The following DET1 variants were observed in gnomAD, a reference collection of about 807,000 sequenced individuals.
DET1 encodes DET1 homolog.
In DET1, 22 loss-of-function variants were observed where a neutral mutation model predicts 43.7. That is an observed-to-expected ratio of 0.50 (90% confidence interval 0.36 to 0.72). The LOEUF (loss-of-function observed/expected upper bound fraction) is 0.72. Ranked by LOEUF, DET1 falls within the 30% of genes least tolerant of loss-of-function variation. The pLI is 0.00. For missense variants in DET1, 713 were observed against 713.3 expected (o/e 1.00, Z 0.00); for synonymous variants, 315 against 266.2 (o/e 1.18, Z -1.79).
chr15:88,533,988 A>G (rs910462766), intron 1 of DET1, among the ~76,000 whole-genome samples: 19 of 152,098 alleles, frequency 1.2e-4, no homozygotes, highest in Admixed American at 1.0e-3. Flanking sequence ...GGTGCTGTTG[A>G]ATGGGTTAGA....
rs776407770 is a variant in DET1, at chr15:88,516,729, G to A, written c.1463+53C>T. 6 of 1,388,732 alleles carry A rather than the reference G, an allele frequency of 4.3e-6. No homozygotes were observed. Among genetic ancestry groups the A allele is most frequent in the Non-Finnish European group, 5.7e-6 (6 of 1,053,478 alleles). 86.0% of individuals were successfully genotyped at this position (1,388,732 alleles called of 1,614,324 possible). A position where few individuals can be genotyped will look rare whatever the true frequency, so the allele number is the denominator to read the frequency against. Reference sequence around the variant, plus strand: ...ATGTCCAGAAAAAGAGAAAAAGAAAGCAGGCCATCTTCAGCCCTTGAGCAG... The same window carrying A: ...ATGTCCAGAAAAAGAGAAAAAGAAAACAGGCCATCTTCAGCCCTTGAGCAG... On this transcript the variant is annotated intron_variant, in intron 4 of 4. Transcript: ENST00000268148. This position sits in a 1 kb window ranked among gnomAD's most constrained non-coding sequence, Gnocchi z 4.4.
chr15:88,510,929 ACGTCCCG>A (rs1416423519), downstream of DET1, among the ~76,000 whole-genome samples: 1 of 150,436 alleles, frequency 6.6e-6, no homozygotes, highest in East Asian at 1.9e-4. Context: ...GCCCGCCACC[ACGTCCCG>A]CTAATTTTTT....
rs776779760 is a variant in DET1, at chr15:88,527,765, T to C, written c.1105A>G (p.Asn369Asp). The change falls in exon 3 of 5, where the codon AAT (asparagine) becomes GAT (aspartate). Residue 369 changes from asparagine to aspartate, a missense_variant. Asn to Asp is a conservative substitution (Grantham distance 23). Coordinates refer to ENST00000268148, the MANE Select transcript of DET1 (RefSeq NM_001144074.3). ...PSQASFFVVY[N>D]MVTTEVIAVF... ...GCAATCACCTCTGTCGTCACCATATTGTACACCACAAAGAAAGATGCCTGC... is the reference window on the plus strand; with the variant it reads ...GCAATCACCTCTGTCGTCACCATATCGTACACCACAAAGAAAGATGCCTGC... 12 of 1,603,572 alleles carry C rather than the reference T, an allele frequency of 7.5e-6. No homozygotes were observed. The highest frequency in any genetic ancestry group is 1.7e-5 in the Admixed American group (1 of 58,392).
chr15:88,517,534 G>C (rs1011893136), intron 3 of DET1, among the ~76,000 whole-genome samples: 1 of 152,110 alleles, frequency 6.6e-6, no homozygotes, highest in African/African-American at 2.4e-5. Context: ...CCCTACTTTA[G>C]AAAAGTTAAC....
chr15:88,511,985 A>C (rs1019811730), downstream of DET1, among the ~76,000 whole-genome samples: 2 of 152,208 alleles, frequency 1.3e-5, no homozygotes, highest in Non-Finnish European at 2.9e-5. Flanking sequence ...CAGATGAAAC[A>C]TAAACAGGCT....
chr15:88,544,813 C>T (rs905445620), intron 1 of DET1, among the ~76,000 whole-genome samples: 9 of 152,100 alleles, frequency 5.9e-5, no homozygotes, highest in Non-Finnish European at 1.0e-4. Context: ...CTTGGAGGGC[C>T]GGTACCTCTA....
Position 88,531,412 on chromosome 15 carries a change from C to G in DET1, c.294G>C (p.Gln98His). The G allele has an allele frequency of 6.2e-7, 1 of 1,614,064 alleles. No homozygotes were observed. Among genetic ancestry groups the G allele is most frequent in the Non-Finnish European group, 8.5e-7 (1 of 1,179,904 alleles). The change falls in exon 2 of 5, where the codon CAG becomes CAC. Residue 98 changes from glutamine (Q) to histidine (H), a missense_variant. Transcript: ENST00000268148. This position sits in a 1 kb window ranked among gnomAD's most constrained non-coding sequence, Gnocchi z 6.2. ...TGGACAGGATTTCTCCTTCGTATCCCTGCAGTAGGTCCTCTGCTGCCTGGC... is the reference window on the plus strand; with the variant it reads ...TGGACAGGATTTCTCCTTCGTATCCGTGCAGTAGGTCCTCTGCTGCCTGGC... Reference protein sequence around the residue: ...QGCQAAEDLLQGYEGEILSNG... With the variant: ...QGCQAAEDLLHGYEGEILSNG...
At chr15:88,517,005 T>A in intron 3 of DET1, 32 bp from the exon 4 acceptor site, 1 of 1,491,968 alleles carries the variant, frequency 6.7e-7, no homozygotes, top group Non-Finnish European at 9.0e-7. Flanking sequence ...GAAGGCTTTG[T>A]TAGTGAGTAC....
Position 88,516,920 on chromosome 15 carries a change from C to T in DET1, c.1325G>A (p.Arg442His), listed in dbSNP as rs34532160. Residue 442 changes from arginine (R) to histidine (H), a missense_variant, in exon 4 of 5, where the codon CGC becomes CAC. Coordinates refer to ENST00000268148, the MANE Select transcript of DET1 (RefSeq NM_001144074.3). This position sits in a 1 kb window ranked among gnomAD's most constrained non-coding sequence, Gnocchi z 4.4. The part of the protein sequence containing the change: ...AKYGGHTEAV[R>H]RLLGQLPISA... Reference sequence around the variant, plus strand: ...GATGGGGAGCTGACCCAGCAGCCGGCGTACTGCCTCTGTGTGCCCTCCATA... The same window carrying T: ...GATGGGGAGCTGACCCAGCAGCCGGTGTACTGCCTCTGTGTGCCCTCCATA... 1.9e-6 allele frequency: 3 copies of T among 1,608,442 alleles called. No individual in the cohort carries two copies. Among genetic ancestry groups the T allele is most frequent in the Admixed American group, 1.7e-5 (1 of 58,922 alleles).
intron 1 of DET1, among the ~76,000 whole-genome samples, chr15:88,540,380 T>C (rs2057074540): frequency 6.6e-6 from 1 of 152,016 alleles, no homozygotes; most frequent in African/African-American, 2.4e-5. Flanking sequence ...TCTGTTTTTC[T>C]GATACTCCAG....
At chr15:88,541,991 A>AGC (rs1567076227) in intron 1 of DET1, among the ~76,000 whole-genome samples, 2 of 152,024 alleles carry the variant, frequency 1.3e-5, no homozygotes, top group Non-Finnish European at 2.9e-5. Context: ...CCAGGTGATG[A>AGC]GCGCTCAGCC....
intron 3 of DET1, among the ~76,000 whole-genome samples, chr15:88,521,073 T>C (rs1277544180): frequency 1.3e-5 from 2 of 152,208 alleles, no homozygotes; most frequent in Admixed American, 1.3e-4. Flanking sequence ...AATGGCCTTA[T>C]GTATCTGCCT....
At chr15:88,525,553 G>T (rs1295529800) in intron 3 of DET1, among the ~76,000 whole-genome samples, 1 of 152,170 alleles carries the variant, frequency 6.6e-6, no homozygotes, top group African/African-American at 2.4e-5. Flanking sequence ...CACTGGCCTT[G>T]GTGTTGTGGA....
chr15:88,516,850 G>C lies in DET1; in HGVS notation c.1395C>G (p.Leu465=). 6 of 1,610,862 alleles carry C rather than the reference G, an allele frequency of 3.7e-6. No homozygotes were observed. The highest frequency in any genetic ancestry group is 4.2e-6 in the Non-Finnish European group (5 of 1,178,716). The change falls in exon 4 of 5, where the codon CTC becomes CTG. Residue 465 remains leucine (L), a synonymous_variant. Transcript: ENST00000268148. The surrounding 1 kb of genome is among the most constrained non-coding windows in gnomAD (Gnocchi z 4.4). ...YSGSPYLDLS[L]FSYDDKWVSV... The stretch of plus-strand genomic sequence containing the variant: ...ATACCCACTTGTCATCATAACTGAA[G>C]AGAGACAAATCCAGATAGGGGCTAC...
chr15:88,541,750 G>A (rs1025541996), intron 1 of DET1, among the ~76,000 whole-genome samples: 3 of 152,164 alleles, frequency 2.0e-5, no homozygotes, highest in South Asian at 2.1e-4. Context: ...CCATGGCTCC[G>A]TTCATGTGCC....
intron 1 of DET1, among the ~76,000 whole-genome samples, chr15:88,533,163 C>T (rs1029065925): frequency 1.3e-5 from 2 of 152,060 alleles, no homozygotes; most frequent in African/African-American, 4.8e-5. Context: ...CAAATGGCCA[C>T]AAAGCATATG....
Position 88,512,792 on chromosome 15 carries a change from T to G in DET1, c.*159A>C. On this transcript the variant is annotated 3_prime_UTR_variant, in exon 5 of 5. Transcript: ENST00000268148. Reference sequence around the variant, plus strand: ...TATACAATTTAAAAATTCCATTAGGTTGAGCCACCCTCACTCCTCTCTCTG... The same window carrying G: ...TATACAATTTAAAAATTCCATTAGGGTGAGCCACCCTCACTCCTCTCTCTG... The G allele has an allele frequency of 7.2e-7, 1 of 1,398,342 alleles. No individual in the cohort carries two copies. The highest frequency in any genetic ancestry group is 2.5e-5 in the East Asian group (1 of 39,508). 86.6% of individuals were successfully genotyped at this position (1,398,342 alleles called of 1,614,324 possible). A position where few individuals can be genotyped will look rare whatever the true frequency, so the allele number is the denominator to read the frequency against.
At chr15:88,526,743 G>A (rs376014253) in intron 3 of DET1, among the ~76,000 whole-genome samples, 2 of 152,190 alleles carry the variant, frequency 1.3e-5, no homozygotes, top group African/African-American at 4.8e-5. Context: ...ATGAACTTGA[G>A]ACCAGAGCCC....
At position 88,513,524 on chromosome 15, in the gene DET1, AT is replaced by A. The variant is rs1453878578; in HGVS notation, c.1464-385del. 4.6e-5 allele frequency among the ~76,000 whole-genome samples: 7 copies of A among 152,190 alleles called. No individual in the cohort carries two copies. The South Asian group carries it at 1.4e-3, about 32-fold the overall frequency. On this transcript the variant is annotated intron_variant, in intron 4 of 4. Transcript: ENST00000268148. ...ATTTTCAGGTAGCCATATTAAAAAA[AT>A]AAAAATAAAAAGGGGAAATTTTAAT...
Sources: gnomAD v4.1 joint callset for allele counts (sites outside exome capture counted in the v4.1 genomes callset) on GRCh38, gnomAD v4.1.1 for gene constraint, Gnocchi (gnomAD v3.1) non-coding constraint, MANE v1.5 for transcripts, NCBI Gene and HGNC (gene_info 2026-07-23, HGNC 2026-07-21) for gene names.